Variants in MRPL49 observed in about 807,000 individuals in gnomAD.
The protein encoded by MRPL49 is mitochondrial ribosomal protein L49, also known as large ribosomal subunit protein mL49.
In MRPL49, 14 loss-of-function variants were observed where a neutral mutation model predicts 18.4. The observed-to-expected ratio is 0.76, with a 90% CI of 0.50 to 1.19. The LOEUF (loss-of-function observed/expected upper bound fraction) is 1.19. Ranked by LOEUF, MRPL49 falls within the 50% of genes most tolerant of loss-of-function variation. The pLI, the probability that MRPL49 is intolerant of heterozygous loss-of-function variation, is 0.00. For synonymous variants in MRPL49, 104 were observed against 86.2 expected, an observed-to-expected ratio of 1.21 and a Z score of -1.14; for missense variants, 190 against 217.8, an observed-to-expected ratio of 0.87 and a Z score of 0.80.
At position 65,124,714 on chromosome 11, in the gene MRPL49, T is replaced by C. The variant is rs117853640; in HGVS notation, c.229+62T>C. The C allele has an allele frequency of 4.4e-6, 7 of 1,575,064 alleles. No individual in the cohort carries two copies. In the Admixed American group the frequency reaches 5.4e-5, roughly 12 times the overall value. ...CGGAGCATCACCTCCTCCCCAGAGG[T>C]TGGCCTCCCCCATGAGGCTCTGGAC... is the stretch of plus-strand genomic sequence containing the variant. On this transcript the variant is annotated intron_variant, in intron 2 of 3. Coordinates refer to ENST00000279242, the MANE Select transcript of MRPL49 (RefSeq NM_004927.4).
chr11:65,125,702 A>T (rs373102158), intron 3 of MRPL49, 24 bp from the exon 4 acceptor site: 4 of 1,613,058 alleles, frequency 2.5e-6, no homozygotes, highest in Admixed American at 1.7e-5. Context: ...TCTTGGCCTG[A>T]CCTGATTTGT....
In MRPL49 at chr11:65,125,777, C is replaced by T. The variant is rs1418415134; in HGVS notation, c.406C>T (p.Pro136Ser). Residue 136 changes from proline to serine, a missense_variant, in exon 4 of 4, where the codon CCT becomes TCT. Coordinates refer to ENST00000279242, the MANE Select transcript of MRPL49 (RefSeq NM_004927.4). Reference sequence around the variant, plus strand: ...TCTGAGCCCGCTGCTGGGGAAGACACCTGTCACCCAGGTCAATGAGGTGAC... The same window carrying T: ...TCTGAGCCCGCTGCTGGGGAAGACATCTGTCACCCAGGTCAATGAGGTGAC... Reference protein sequence around the residue: ...DFLSPLLGKTPVTQVNEVTGT... With the variant: ...DFLSPLLGKTSVTQVNEVTGT... 8.1e-6 allele frequency: 13 copies of T among 1,613,608 alleles called. No homozygotes were observed. Among genetic ancestry groups the T allele is most frequent in the Middle Eastern group, 3.6e-4 (2 of 5,610 alleles).
Position 65,124,512 on chromosome 11 carries a change from A to C in MRPL49, c.89A>C (p.Gln30Pro). 2 of 1,614,084 alleles carry C rather than the reference A, an allele frequency of 1.2e-6. No individual in the cohort carries two copies. The highest frequency in any genetic ancestry group is 1.7e-6 in the Non-Finnish European group (2 of 1,179,988). Reference protein sequence around the residue: ...GCGLRLLSQTQGPPDYPRFVE... With the variant: ...GCGLRLLSQTPGPPDYPRFVE... ...TTTGTTTTGCTTCAGAGCCAGACCC[A>C]GGGCCCTCCAGATTACCCCAGGTTT... Residue 30 changes from glutamine to proline, a missense_variant, in exon 2 of 4, where the codon CAG becomes CCG. Physicochemically the swap from Gln to Pro is moderately conservative, Grantham distance 76. Coordinates refer to ENST00000279242, the MANE Select transcript of MRPL49 (RefSeq NM_004927.4).
intron 1 of MRPL49, among the ~76,000 whole-genome samples, chr11:65,123,341 T>C (rs1948071497): frequency 6.6e-6 from 1 of 152,242 alleles, no homozygotes; most frequent in African/African-American, 2.4e-5. Context: ...TGCTATCTTA[T>C]GTCAACCTAA....
chr11:65,123,008 C>T (rs750010526), intron 1 of MRPL49, among the ~76,000 whole-genome samples: 1 of 152,092 alleles, frequency 6.6e-6, no homozygotes, highest in African/African-American at 2.4e-5. Flanking sequence ...CATGAGCCGC[C>T]GAACCCGTCT....
In MRPL49 at chr11:65,125,595, G is replaced by A. The variant is rs1370739621; in HGVS notation, c.337G>A (p.Val113Met). 1 of 1,614,050 alleles carries A rather than the reference G, an allele frequency of 6.2e-7. No individual in the cohort carries two copies. ...CCGGCAGATGACTGTGATCCGGAAA[G>A]TGGAAGGGGACATCTGGGTAAGTGG... ...GNRQMTVIRK[V>M]EGDIWALQKD... The change falls in exon 3 of 4, where the codon GTG (valine) becomes ATG (methionine). Residue 113 changes from valine (V) to methionine (M), a missense_variant. Physicochemically the swap from Val to Met is conservative, Grantham distance 21. Coordinates refer to ENST00000279242, the MANE Select transcript of MRPL49 (RefSeq NM_004927.4).
At chr11:65,122,311 A>T (rs186653570), upstream of MRPL49, 3,275 of 1,602,710 alleles carry the variant, frequency 2.0e-3, 4 homozygotes, top group Non-Finnish European at 2.5e-3. Context: ...GGGACCAGAC[A>T]GTTGCGCGCA....
chr11:65,124,626 C>T lies in MRPL49; in HGVS notation c.203C>T (p.Thr68Ile), dbSNP rs771265160. The T allele has an allele frequency of 6.2e-7, 1 of 1,614,160 alleles. No individual in the cohort carries two copies. Residue 68 changes from threonine (T) to isoleucine (I), a missense_variant, in exon 2 of 4, where the codon ACC becomes ATC. Thr to Ile is a moderately conservative substitution (Grantham distance 89). Transcript: ENST00000279242. ...CCCCCAAAGCATGAACATTATCCTACCCCTAGTGGCTGGCAGCCTCCCAGA... is the reference window on the plus strand; with the variant it reads ...CCCCCAAAGCATGAACATTATCCTATCCCTAGTGGCTGGCAGCCTCCCAGA... Reference protein sequence around the residue: ...PDPPKHEHYPTPSGWQPPRDP... With the variant: ...PDPPKHEHYPIPSGWQPPRDP...
Position 65,127,363 on chromosome 11 carries a change from G to A in MRPL49, c.*1491G>A. On this transcript the variant is annotated 3_prime_UTR_variant, in exon 4 of 4. Transcript: ENST00000279242. The stretch of plus-strand genomic sequence containing the variant: ...ATATTTACAAATTAAATAATCATCT[G>A]AAACTGTCTCCAACAACTCTTGTAA... 1 of 297,754 alleles carries A rather than the reference G, an allele frequency of 3.4e-6. No individual in the cohort carries two copies. 18.4% of individuals were successfully genotyped at this position (297,754 alleles called of 1,614,324 possible).
chr11:65,124,036 C>T (rs1054024241), intron 1 of MRPL49, among the ~76,000 whole-genome samples: 8 of 151,980 alleles, frequency 5.3e-5, no homozygotes, highest in Non-Finnish European at 8.8e-5. Flanking sequence ...TACAGGCATG[C>T]ACCACCATGC....
At chr11:65,122,822 C>G (rs975975950) in intron 1 of MRPL49, among the ~76,000 whole-genome samples, 2 of 151,824 alleles carry the variant, frequency 1.3e-5, no homozygotes, top group Non-Finnish European at 2.9e-5. Flanking sequence ...CAGATTCACG[C>G]CATCCTCCTG....
chr11:65,125,175 C>G, intron 2 of MRPL49: 1 of 410,386 alleles, frequency 2.4e-6, no homozygotes, highest in Non-Finnish European at 4.4e-6. Flanking sequence ...ATTTCGGCCT[C>G]CCTGACCCAG....
chr11:65,126,099 G>A lies in MRPL49; in HGVS notation c.*227G>A, dbSNP rs1412708714. On this transcript the variant is annotated 3_prime_UTR_variant, in exon 4 of 4. Coordinates refer to ENST00000279242, the MANE Select transcript of MRPL49 (RefSeq NM_004927.4). Reference sequence around the variant, plus strand: ...CAAATAGGGATCACCAGGCTAATGGGGGGCGTCAGCAGCTTTCTCTCCCTC... The same window carrying A: ...CAAATAGGGATCACCAGGCTAATGGAGGGCGTCAGCAGCTTTCTCTCCCTC... 1 of 468,154 alleles carries A rather than the reference G, an allele frequency of 2.1e-6. No individual in the cohort carries two copies. The highest frequency in any genetic ancestry group is 3.7e-6 in the Non-Finnish European group (1 of 267,240). The allele number at this position is 468,154 out of a possible 1,614,324, so 29.0% of individuals were successfully genotyped here. A position where few individuals can be genotyped will look rare whatever the true frequency, so the allele number is the denominator to read the frequency against.
Position 65,126,178 on chromosome 11 carries a change from C to T in MRPL49, c.*306C>T, listed in dbSNP as rs1448637728. 8.0e-6 allele frequency: 2 copies of T among 249,414 alleles called. No individual in the cohort carries two copies. The highest frequency in any genetic ancestry group is 1.5e-5 in the Non-Finnish European group (2 of 129,970). The allele number at this position is 249,414 out of a possible 1,614,324, so 15.5% of individuals were successfully genotyped here. A position where few individuals can be genotyped will look rare whatever the true frequency, so the allele number is the denominator to read the frequency against. On this transcript the variant is annotated 3_prime_UTR_variant, in exon 4 of 4. Transcript: ENST00000279242. ...TGAGACGGAGTCTCACTCTGTTGCC[C>T]AGGGTGGAGTGCAGTGGCATGATCT... is the stretch of plus-strand genomic sequence containing the variant.
chr11:65,124,683 G>A (rs1403508934), intron 2 of MRPL49, 31 bp downstream of exon 2: 2 of 1,608,262 alleles, frequency 1.2e-6, no homozygotes, highest in African/African-American at 2.7e-5. Context: ...TGATTTGAAA[G>A]CTTCACGGAG....
In MRPL49 at chr11:65,125,823, G is replaced by A. The variant is rs1274754501; in HGVS notation, c.452G>A (p.Gly151Asp). The A allele has an allele frequency of 1.2e-6, 2 of 1,611,926 alleles. No individual in the cohort carries two copies. Among genetic ancestry groups the A allele is most frequent in the Non-Finnish European group, 1.7e-6 (2 of 1,179,462 alleles). ...NEVTGTLRIK[G>D]YFDQELKAWL... Reference sequence around the variant, plus strand: ...GTGACAGGTACCCTACGGATCAAGGGCTACTTTGACCAGGAGCTTAAAGCC... The same window carrying A: ...GTGACAGGTACCCTACGGATCAAGGACTACTTTGACCAGGAGCTTAAAGCC... The change falls in exon 4 of 4, where the codon GGC becomes GAC. Residue 151 changes from glycine to aspartate, a missense_variant. By Grantham distance (94) the Gly-to-Asp change is moderately conservative (BLOSUM62 -1). Coordinates refer to ENST00000279242, the MANE Select transcript of MRPL49 (RefSeq NM_004927.4).
Position 65,126,749 on chromosome 11 carries a change from GAGGT to G in MRPL49, c.*881_*884del. The G allele has an allele frequency of 2.0e-6, 1 of 497,096 alleles. No homozygotes were observed. The allele number at this position is 497,096 out of a possible 1,614,324, so 30.8% of individuals were successfully genotyped here. ...CACGTTAGCCCCGGGCTCTGATAGA[GAGGT>G]AGGAGGCACGTTCTTGGTCACTGTT... On this transcript the variant is annotated 3_prime_UTR_variant, in exon 4 of 4. Coordinates refer to ENST00000279242, the MANE Select transcript of MRPL49 (RefSeq NM_004927.4).
In MRPL49 at chr11:65,127,255, A is replaced by C. The variant is rs1282397616; in HGVS notation, c.*1383A>C. 1.0e-5 allele frequency: 5 copies of C among 497,820 alleles called. No individual in the cohort carries two copies. The highest frequency in any genetic ancestry group is 7.7e-5 in the Admixed American group (2 of 25,906). 30.8% of individuals were successfully genotyped at this position (497,820 alleles called of 1,614,324 possible). On this transcript the variant is annotated 3_prime_UTR_variant, in exon 4 of 4. Transcript: ENST00000279242. ...AAGGAGCCCGACACTGATTTGATCG[A>C]TTCTGTGACACAAACCCCACCAATT...
rs774071487 is a variant in MRPL49 at position 65,125,882 on chromosome 11, G to A, written c.*10G>A. On this transcript the variant is annotated 3_prime_UTR_variant, in exon 4 of 4. Coordinates refer to ENST00000279242, the MANE Select transcript of MRPL49 (RefSeq NM_004927.4). ...GGAGAAAGGCTTCTGAGGCCCAGCC[G>A]AGCAGCCTGCTTGTCAGCATGCCCT... The A allele has an allele frequency of 1.6e-5, 25 of 1,599,200 alleles. No homozygotes were observed. The highest frequency in any genetic ancestry group is 8.1e-5 in the African/African-American group (6 of 74,408).
Sources: allele counts gnomAD v4.1 joint callset (sites outside exome capture counted in the v4.1 genomes callset), GRCh38; gene constraint gnomAD v4.1.1; transcripts MANE v1.5; gene names NCBI Gene and HGNC (gene_info 2026-07-23, HGNC 2026-07-21).